EXOC4: variants seen among roughly 807,000 people sequenced by gnomAD.
EXOC4 encodes the protein exocyst complex component 4.
In EXOC4, 71 loss-of-function variants were observed where a neutral mutation model predicts 107.2. That is an observed-to-expected ratio of 0.66 (90% confidence interval 0.55 to 0.81). The LOEUF (loss-of-function observed/expected upper bound fraction) is 0.81. EXOC4 is among the 30% of genes least tolerant of loss of function. EXOC4 has a pLI of 0.00. For synonymous variants in EXOC4, 456 were observed against 441.2 expected, an observed-to-expected ratio of 1.03 and a Z score of -0.42; for missense variants, 1,108 against 1,189.6, an observed-to-expected ratio of 0.93 and a Z score of 1.01.
At chr7:133,899,615 A>T (rs1291607362) in intron 12 of EXOC4, among the ~76,000 whole-genome samples, 1 of 152,186 alleles carries the variant, frequency 6.6e-6, no homozygotes, top group Non-Finnish European at 1.5e-5. Flanking sequence ...CCTTAAACTG[A>T]ACATTCCCAG....
At chr7:133,563,806 A>C (rs1403318935) in intron 9 of EXOC4, among the ~76,000 whole-genome samples, 5 of 152,212 alleles carry the variant, frequency 3.3e-5, no homozygotes, top group Non-Finnish European at 7.3e-5. Context: ...GTGAATTACA[A>C]ATTGGGTAAA....
At chr7:133,759,466 C>G (rs1795989474) in intron 10 of EXOC4, among the ~76,000 whole-genome samples, 1 of 152,104 alleles carries the variant, frequency 6.6e-6, no homozygotes, top group Non-Finnish European at 1.5e-5. Context: ...AGTGGCTTTC[C>G]AAGTACAAGT....
At chr7:133,446,590 A>G (rs1798225722) in intron 7 of EXOC4, among the ~76,000 whole-genome samples, 1 of 152,190 alleles carries the variant, frequency 6.6e-6, no homozygotes, top group Admixed American at 6.5e-5. Context: ...TGAAATAAGT[A>G]CAGAAATCGA....
intron 10 of EXOC4, among the ~76,000 whole-genome samples, chr7:133,653,390 C>A (rs567349186): frequency 6.6e-6 from 1 of 152,274 alleles, no homozygotes; most frequent in African/African-American, 2.4e-5. Context: ...TACTAAGATG[C>A]CCCTTTACTT....
intron 12 of EXOC4, among the ~76,000 whole-genome samples, chr7:133,903,912 G>C (rs1038384890): frequency 6.6e-6 from 1 of 152,204 alleles, no homozygotes; most frequent in Non-Finnish European, 1.5e-5. Flanking sequence ...ATACAGTGTT[G>C]TAGTGTTGCC....
intron 10 of EXOC4, among the ~76,000 whole-genome samples, chr7:133,801,348 C>T (rs983099649): frequency 7.2e-5 from 11 of 152,130 alleles, no homozygotes; most frequent in African/African-American, 2.7e-4. Context: ...TTCTGGCTTG[C>T]TGTGCTGATA....
intron 11 of EXOC4, among the ~76,000 whole-genome samples, chr7:133,871,269 G>A (rs897629946): frequency 6.6e-6 from 1 of 151,718 alleles, no homozygotes; most frequent in African/African-American, 2.4e-5. Flanking sequence ...GTGACATCTC[G>A]GTGGTAGCTT....
chr7:133,365,889 GCT>G (rs1289889943), intron 6 of EXOC4, among the ~76,000 whole-genome samples: 1 of 151,974 alleles, frequency 6.6e-6, no homozygotes, highest in African/African-American at 2.4e-5. Flanking sequence ...TAAAGTCTAC[GCT>G]CTGAGTTCAC....
intron 14 of EXOC4, among the ~76,000 whole-genome samples, chr7:133,979,020 G>GT (rs1563078741): frequency 6.6e-6 from 1 of 152,162 alleles, no homozygotes. Context: ...GAAGGTGAAC[G>GT]TATTTCCAAG....
At chr7:133,866,071 TTTA>T (rs2116367616) in intron 11 of EXOC4, among the ~76,000 whole-genome samples, 1 of 152,338 alleles carries the variant, frequency 6.6e-6, no homozygotes, top group South Asian at 2.1e-4. Flanking sequence ...ACAGCTAACA[TTTA>T]TGATGGGAAA....
At chr7:134,003,379 A>G (rs1006431458) in intron 15 of EXOC4, among the ~76,000 whole-genome samples, 7 of 152,162 alleles carry the variant, frequency 4.6e-5, no homozygotes, top group African/African-American at 1.7e-4. Context: ...TGGTGGTTAT[A>G]TGATTGTACA....
chr7:133,739,327 C>G (rs1048571855), intron 10 of EXOC4, among the ~76,000 whole-genome samples: 1 of 151,658 alleles, frequency 6.6e-6, no homozygotes, highest in Non-Finnish European at 1.5e-5. Flanking sequence ...TAAACAGTCT[C>G]TGTAAGATTT....
At chr7:133,776,650 T>C (rs974812728) in intron 10 of EXOC4, among the ~76,000 whole-genome samples, 3 of 152,222 alleles carry the variant, frequency 2.0e-5, no homozygotes, top group Non-Finnish European at 2.9e-5. Flanking sequence ...TGTACCCTCT[T>C]AAATCATCAA....
chr7:133,942,281 T>TA (rs1208963085), intron 14 of EXOC4, among the ~76,000 whole-genome samples: 1 of 151,786 alleles, frequency 6.6e-6, no homozygotes, highest in Non-Finnish European at 1.5e-5. Context: ...TTTTTTTTTT[T>TA]AAGTGAAGCC....
chr7:133,485,474 G>T (rs1206203465), intron 9 of EXOC4, among the ~76,000 whole-genome samples: 2 of 151,984 alleles, frequency 1.3e-5, no homozygotes, highest in African/African-American at 4.8e-5. Context: ...CTCAGTGCCC[G>T]AGCACAGCTG....
At chr7:134,083,165 C>T in the EXOC4 span, among the ~76,000 whole-genome samples, 1 of 152,098 alleles carries the variant, frequency 6.6e-6, no homozygotes, top group African/African-American at 2.4e-5. Context: ...TGCTATTCAC[C>T]AAGAGGACAA....
intron 9 of EXOC4, among the ~76,000 whole-genome samples, chr7:133,494,319 A>G (rs1403558452): frequency 6.6e-6 from 1 of 152,174 alleles, no homozygotes; most frequent in Non-Finnish European, 1.5e-5. Context: ...AAAGGTAACC[A>G]TCACAGAAAC....
At chr7:134,073,227 A>AAAAAAAAAAAAAAAAAG in the EXOC4 span, among the ~76,000 whole-genome samples, 2 of 18,114 alleles carry the variant, frequency 1.1e-4, no homozygotes, top group African/African-American at 5.7e-4. Flanking sequence ...AAAAAAAAAA[A>AAAAAAAAAAAAAAAAAG]AAAAACAACA....
At chr7:133,706,941 C>T (rs1794780911) in intron 10 of EXOC4, among the ~76,000 whole-genome samples, 1 of 152,176 alleles carries the variant, frequency 6.6e-6, no homozygotes, top group Non-Finnish European at 1.5e-5. Flanking sequence ...GGGATTAGGG[C>T]TTCAGCCTGT....
Sources: gnomAD v4.1 joint callset for allele counts (sites outside exome capture counted in the v4.1 genomes callset) on GRCh38, gnomAD v4.1.1 for gene constraint, MANE v1.5 for transcripts, NCBI Gene and HGNC (gene_info 2026-07-23, HGNC 2026-07-21) for gene names.